Variants in SYNE2 observed in about 807,000 individuals in gnomAD.
SYNE2 encodes spectrin repeat containing nuclear envelope protein 2.
Under a neutral mutation model 856.3 loss-of-function variants are expected in SYNE2, and 431 were observed. The ratio of observed to expected loss-of-function variants is 0.50; its 90% CI spans 0.47 to 0.55. SYNE2 has a LOEUF of 0.55. SYNE2 is among the 20% of genes least tolerant of loss of function. The probability of loss-of-function intolerance (pLI) is 0.00; values close to 1 mark genes in which losing one functional copy is unlikely to be tolerated. For missense variants in SYNE2, 8,129 were observed against 8,023.2 expected (o/e 1.01, Z -0.50); for synonymous variants, 2,923 against 2,872.3 (o/e 1.02, Z -0.56).
chr14:63,904,638 G>T (rs979294447), intron 1 of SYNE2, among the ~76,000 whole-genome samples: 4 of 151,992 alleles, frequency 2.6e-5, no homozygotes, highest in African/African-American at 9.7e-5. Context: ...GTCTATTCAT[G>T]TCCTTTGCCC....
At chr14:63,991,541 C>T (rs2096666385) in intron 21 of SYNE2, among the ~76,000 whole-genome samples, 1 of 152,074 alleles carries the variant, frequency 6.6e-6, no homozygotes. Flanking sequence ...TATTAAAATA[C>T]TTTGATAAAA....
intron 43 of SYNE2, among the ~76,000 whole-genome samples, chr14:64,028,541 C>T (rs998005274): frequency 2.6e-5 from 4 of 152,118 alleles, no homozygotes; most frequent in African/African-American, 9.7e-5. Flanking sequence ...CTGCGCGAGC[C>T]ACTGCACCCA....
At chr14:64,102,161 G>C (rs2097735873) in intron 64 of SYNE2, 119 bp downstream of exon 64, 1 of 727,998 alleles carries the variant, frequency 1.4e-6, no homozygotes, top group African/African-American at 1.7e-5. Context: ...CTGTCGCCCA[G>C]ACTGGAGTGC....
At chr14:63,766,477 C>T (rs189085451) in intron 1 of SYNE2, among the ~76,000 whole-genome samples, 17 of 152,268 alleles carry the variant, frequency 1.1e-4, no homozygotes, top group African/African-American at 2.6e-4. Flanking sequence ...CTAAAAAAAG[C>T]TCCTGGAACA....
chr14:63,884,525 A>G (rs2094937349), intron 1 of SYNE2, among the ~76,000 whole-genome samples: 1 of 152,106 alleles, frequency 6.6e-6, no homozygotes, highest in Non-Finnish European at 1.5e-5. Context: ...AGTGTGGTAG[A>G]TACACTGAGA....
At chr14:64,211,326 C>T (rs536116290) in intron 103 of SYNE2, among the ~76,000 whole-genome samples, 1 of 152,192 alleles carries the variant, frequency 6.6e-6, no homozygotes, top group South Asian at 2.1e-4. Flanking sequence ...AATCTGCCTT[C>T]GTTTGGCACT....
Position 64,055,832 on chromosome 14 carries a change from T to TAATA in SYNE2, c.9745-109_9745-106dup. 5.9e-6 allele frequency: 4 copies of TAATA among 679,428 alleles called. No individual in the cohort carries two copies. In the Admixed American group the frequency reaches 1.2e-4, roughly 20 times the overall value. The allele number at this position is 679,428 out of a possible 1,614,324, so 42.1% of individuals were successfully genotyped here. ...TACCCTAAAACTTAAAGTATAATAA[T>TAATA]AATAAAAAAAGACTCAGAGACATAT... On this transcript the variant is annotated intron_variant, in intron 48 of 115. Coordinates refer to ENST00000555002, the MANE Select transcript of SYNE2 (RefSeq NM_182914.3).
At chr14:64,080,878 C>A (rs1405385620) in intron 56 of SYNE2, among the ~76,000 whole-genome samples, 1 of 152,106 alleles carries the variant, frequency 6.6e-6, no homozygotes, top group African/African-American at 2.4e-5. Flanking sequence ...AAGAGCCAGG[C>A]AAACTGTTGG....
intron 49 of SYNE2, 65 bp downstream of exon 49, chr14:64,056,331 ATATTT>A: frequency 7.2e-7 from 1 of 1,392,446 alleles, no homozygotes; most frequent in African/African-American, 1.5e-5. Flanking sequence ...TAATTAAACT[ATATTT>A]TAATAGTTTT....
intron 10 of SYNE2, among the ~76,000 whole-genome samples, chr14:63,965,353 A>G (rs2096376716): frequency 6.6e-6 from 1 of 152,138 alleles, no homozygotes; most frequent in South Asian, 2.1e-4. Flanking sequence ...TCCCAGTTTT[A>G]CAGATGAAGA....
At chr14:64,169,692 A>G (rs1008654039) in intron 93 of SYNE2, among the ~76,000 whole-genome samples, 3 of 152,278 alleles carry the variant, frequency 2.0e-5, no homozygotes, top group Non-Finnish European at 4.4e-5. Context: ...AGCCAGTTCC[A>G]GGATGATAAG....
chr14:63,953,539 GAGAGAGAT>G (rs1194372257), intron 7 of SYNE2, among the ~76,000 whole-genome samples: 282 of 131,364 alleles, frequency 2.1e-3, no homozygotes, highest in Admixed American at 9.7e-3. Context: ...GATAGAGAGA[GAGAGAGAT>G]AGATAGATAG....
At chr14:63,809,886 G>A (rs1050170073) in intron 1 of SYNE2, among the ~76,000 whole-genome samples, 11 of 152,114 alleles carry the variant, frequency 7.2e-5, no homozygotes, top group African/African-American at 2.7e-4. Context: ...GATTCCCAGA[G>A]GGCTCCTAAA....
At chr14:63,907,684 C>T (rs2095424830) in intron 1 of SYNE2, among the ~76,000 whole-genome samples, 1 of 151,924 alleles carries the variant, frequency 6.6e-6, no homozygotes. Context: ...AGTGCTTTAT[C>T]TCCACTTTGG....
chr14:63,985,329 CAAAA>C (rs11399582), intron 18 of SYNE2, among the ~76,000 whole-genome samples: 3 of 82,430 alleles, frequency 3.6e-5, no homozygotes, highest in African/African-American at 4.3e-5. Flanking sequence ...GGCTCCATCT[CAAAA>C]AAAAAAAAAA....
intron 114 of SYNE2, 26 bp from the exon 115 acceptor site, chr14:64,224,973 C>G: frequency 6.2e-7 from 1 of 1,608,432 alleles, no homozygotes; most frequent in Non-Finnish European, 8.5e-7. Flanking sequence ...CTTCAACTTA[C>G]TAACTGGAGT....
intron 57 of SYNE2, 156 bp from the exon 58 acceptor site, chr14:64,087,515 A>G (rs748521634): frequency 1.1e-5 from 9 of 826,374 alleles, no homozygotes; most frequent in South Asian, 1.1e-4. Context: ...TTTCACTGTC[A>G]TTGACAATAG....
intron 61 of SYNE2, among the ~76,000 whole-genome samples, chr14:64,093,854 G>A (rs1007057541): frequency 6.6e-6 from 1 of 152,070 alleles, no homozygotes; most frequent in African/African-American, 2.4e-5. Context: ...ATGTGAATTT[G>A]CTCTGGTACC....
chr14:64,140,552 C>CAGG (rs1441977403), intron 80 of SYNE2, among the ~76,000 whole-genome samples: 2 of 152,214 alleles, frequency 1.3e-5, no homozygotes, highest in Admixed American at 6.5e-5. Context: ...CATTGCACTC[C>CAGG]AGCCTGGGCA....
Sources: gnomAD v4.1 joint callset for allele counts (sites outside exome capture counted in the v4.1 genomes callset) on GRCh38, gnomAD v4.1.1 for gene constraint, MANE v1.5 for transcripts, NCBI Gene and HGNC (gene_info 2026-07-23, HGNC 2026-07-21) for gene names.